DDX10: variants seen among roughly 807,000 people sequenced by gnomAD.
DDX10 encodes the protein DEAD-box helicase 10.
Under a neutral mutation model 104.3 loss-of-function variants are expected in DDX10, and 74 were observed. The observed-to-expected ratio is 0.71, with a 90% CI of 0.59 to 0.86. The LOEUF is 0.86. Among genes scored for constraint, DDX10 ranks in the 40% least tolerant of loss-of-function variants. DDX10 has a pLI of 0.00. For missense variants in DDX10, 952 were observed against 1,040.0 expected (o/e 0.92, Z 1.16); for synonymous variants, 351 against 353.4 (o/e 0.99, Z 0.08).
At chr11:108,685,972 G>A (rs1317780326) in intron 6 of DDX10, among the ~76,000 whole-genome samples, 1 of 152,036 alleles carries the variant, frequency 6.6e-6, no homozygotes, top group Non-Finnish European at 1.5e-5. Context: ...TAATTCCTTT[G>A]TCATTTAGTC....
intron 13 of DDX10, among the ~76,000 whole-genome samples, chr11:108,772,897 A>G (rs1417446120): frequency 6.6e-6 from 1 of 152,186 alleles, no homozygotes; most frequent in African/African-American, 2.4e-5. Flanking sequence ...AAGGTTGGGC[A>G]TTGTTGGTAA....
At chr11:108,798,504 G>A (rs1476550895) in intron 13 of DDX10, among the ~76,000 whole-genome samples, 4 of 152,044 alleles carry the variant, frequency 2.6e-5, no homozygotes, top group Admixed American at 1.3e-4. Flanking sequence ...CTGTTTCTAT[G>A]AATTTGGCTA....
chr11:108,922,740 G>A (rs751400562), intron 17 of DDX10, among the ~76,000 whole-genome samples: 1 of 152,222 alleles, frequency 6.6e-6, no homozygotes, highest in Non-Finnish European at 1.5e-5. Flanking sequence ...AGTTTAGTTA[G>A]CATGACTAAA....
At chr11:108,712,443 C>T (rs1301770423) in intron 10 of DDX10, among the ~76,000 whole-genome samples, 1 of 151,702 alleles carries the variant, frequency 6.6e-6, no homozygotes, top group Admixed American at 6.6e-5. Context: ...CTTAGCATAC[C>T]AGTTTTTTTT....
intron 17 of DDX10, 73 bp downstream of exon 17, chr11:108,918,091 A>G (rs1215774284): frequency 6.2e-6 from 9 of 1,440,652 alleles, no homozygotes; most frequent in Middle Eastern, 1.8e-4. Context: ...TCCAAAAGAC[A>G]TTACTAAGAG....
chr11:108,754,214 A>G (rs1163555717), intron 13 of DDX10, among the ~76,000 whole-genome samples: 2 of 152,074 alleles, frequency 1.3e-5, no homozygotes, highest in Middle Eastern at 3.2e-3. Context: ...TACTGTTTCT[A>G]GTATACAGTA....
At chr11:108,807,870 T>G (rs754895661) in intron 13 of DDX10, among the ~76,000 whole-genome samples, 1 of 151,954 alleles carries the variant, frequency 6.6e-6, no homozygotes, top group South Asian at 2.1e-4. Context: ...GGGTTTTCAG[T>G]AGGAATAGTA....
At chr11:108,832,047 A>G (rs1002420264) in intron 13 of DDX10, among the ~76,000 whole-genome samples, 1 of 152,158 alleles carries the variant, frequency 6.6e-6, no homozygotes, top group African/African-American at 2.4e-5. Flanking sequence ...CTAATCTTTC[A>G]TTGTATTTCT....
chr11:108,740,112 A>G (rs980145974), intron 13 of DDX10, among the ~76,000 whole-genome samples: 1 of 151,764 alleles, frequency 6.6e-6, no homozygotes. Flanking sequence ...CCTGATAGGT[A>G]GTTTTTTGAC....
At chr11:108,779,637 G>A (rs959192975) in intron 13 of DDX10, among the ~76,000 whole-genome samples, 1 of 152,030 alleles carries the variant, frequency 6.6e-6, no homozygotes, top group South Asian at 2.1e-4. Context: ...CCTGCACGTT[G>A]TGCACATGTA....
intron 13 of DDX10, among the ~76,000 whole-genome samples, chr11:108,749,688 C>T (rs114087077): frequency 2.0e-5 from 3 of 152,012 alleles, no homozygotes; most frequent in Non-Finnish European, 2.9e-5. Flanking sequence ...AGTAATTTGT[C>T]GTGAAAGAAG....
At chr11:108,920,544 A>G (rs1863810048) in intron 17 of DDX10, 1 of 152,232 alleles carries the variant, frequency 6.6e-6, no homozygotes, top group African/African-American at 2.4e-5. Flanking sequence ...TTCTAGATGA[A>G]AAAACCAAGG....
rs201547993 is a variant in DDX10, at chr11:108,679,542, A to C, written c.830A>C (p.His277Pro). The C allele has an allele frequency of 1.8e-5, 29 of 1,602,556 alleles. No individual in the cohort carries two copies. Among genetic ancestry groups the C allele is most frequent in the Non-Finnish European group, 2.4e-5 (28 of 1,177,126 alleles). ...SLKNPEYVWV[H>P]EKAKYSTPAT... The stretch of plus-strand genomic sequence containing the variant: ...AAAAACCCTGAGTATGTCTGGGTTC[A>C]TGAAAAAGCAAAATATAGGTATGTA... Residue 277 changes from histidine (H) to proline (P), a missense_variant, in exon 6 of 18, where the codon CAT (histidine) becomes CCT (proline). Transcript: ENST00000322536.
intron 7 of DDX10, chr11:108,690,771 C>T (rs543945794): frequency 2.2e-4 from 54 of 246,290 alleles, no homozygotes; most frequent in African/African-American, 1.1e-3. Flanking sequence ...AGAGATAGAT[C>T]TCCTCCAGGG....
chr11:108,810,026 TTG>T (rs1222216406), intron 13 of DDX10, among the ~76,000 whole-genome samples: 1 of 152,164 alleles, frequency 6.6e-6, no homozygotes, highest in East Asian at 1.9e-4. Context: ...TCAGAATATA[TTG>T]TTTCTTAGGT....
chr11:108,788,212 A>G (rs1206439619), intron 13 of DDX10, among the ~76,000 whole-genome samples: 1 of 152,190 alleles, frequency 6.6e-6, no homozygotes, highest in Non-Finnish European at 1.5e-5. Flanking sequence ...TTGAGTTGCC[A>G]GAGTTCTTGT....
At chr11:108,724,931 G>A (rs542270665) in intron 13 of DDX10, among the ~76,000 whole-genome samples, 4 of 152,142 alleles carry the variant, frequency 2.6e-5, no homozygotes, top group East Asian at 1.9e-4. Flanking sequence ...ATGGTGTTGT[G>A]TAATTACCAC....
intron 16 of DDX10, among the ~76,000 whole-genome samples, chr11:108,881,017 T>C (rs923256561): frequency 1.3e-5 from 2 of 152,216 alleles, no homozygotes; most frequent in Admixed American, 6.5e-5. Flanking sequence ...CTTTTTGCTT[T>C]CTCTGAACCA....
intron 13 of DDX10, among the ~76,000 whole-genome samples, chr11:108,797,452 C>A (rs1220478490): frequency 1.3e-5 from 2 of 152,166 alleles, no homozygotes; most frequent in African/African-American, 4.8e-5. Flanking sequence ...CTCTTCCTCC[C>A]AAGCTGCAGT....
Sources: gnomAD v4.1 joint callset for allele counts (sites outside exome capture counted in the v4.1 genomes callset) on GRCh38, gnomAD v4.1.1 for gene constraint, MANE v1.5 for transcripts, NCBI Gene and HGNC (gene_info 2026-07-23, HGNC 2026-07-21) for gene names.